The following MACROD2 variants were observed in gnomAD, a reference collection of about 807,000 sequenced individuals.
MACROD2 encodes ADP-ribose glycohydrolase MACROD2.
Under a neutral mutation model 70.4 loss-of-function variants are expected in MACROD2, and 36 were observed. That is an observed-to-expected ratio of 0.51 (90% confidence interval 0.39 to 0.68). The LOEUF is 0.68. MACROD2 is among the 30% of genes least tolerant of loss of function. The probability of loss-of-function intolerance (pLI) is 0.00; values close to 1 mark genes in which losing one functional copy is unlikely to be tolerated. For synonymous variants in MACROD2, 172 were observed against 178.8 expected (o/e 0.96, Z 0.30); for missense variants, 496 against 538.4 (o/e 0.92, Z 0.78).
intron 4 of MACROD2, among the ~76,000 whole-genome samples, chr20:14,535,589 G>A (rs6110318): frequency 6.6e-6 from 1 of 150,726 alleles, no homozygotes; most frequent in Non-Finnish European, 1.5e-5. Context: ...GTGTTGGTTA[G>A]GTAGCTAGGA....
chr20:14,108,783 T>C (rs1304966727), intron 3 of MACROD2, among the ~76,000 whole-genome samples: 1 of 151,908 alleles, frequency 6.6e-6, no homozygotes, highest in African/African-American at 2.4e-5. Context: ...TTATTAGAGC[T>C]AAAGAGAGAG....
intron 5 of MACROD2, among the ~76,000 whole-genome samples, chr20:15,035,181 C>T (rs886408053): frequency 1.8e-4 from 27 of 152,038 alleles, no homozygotes; most frequent in African/African-American, 6.5e-4. Flanking sequence ...ATTGCTTAAG[C>T]CCAGGAGTTC....
At position 14,722,791 on chromosome 20, in the gene MACROD2, G is replaced by A. The variant is rs116837333; in HGVS notation, c.418+37832G>A. ...TTAAACAAAAAACAAAAACAAAAAGGTATTGTCTCTGCTTCTTAGTAGCAC... is the reference window on the plus strand; with the variant it reads ...TTAAACAAAAAACAAAAACAAAAAGATATTGTCTCTGCTTCTTAGTAGCAC... On this transcript the variant is annotated intron_variant, in intron 5 of 17. Coordinates refer to ENST00000684519, the MANE Select transcript of MACROD2 (RefSeq NM_001351661.2). 5.5e-3 allele frequency among the ~76,000 whole-genome samples: 839 copies of A among 152,162 alleles called. 10 individuals are homozygous for A. The highest frequency in any genetic ancestry group is 0.019 in the African/African-American group (774 of 41,520).
At chr20:14,324,958 G>A (rs1464446128) in intron 3 of MACROD2, 1 of 152,466 alleles carries the variant, frequency 6.6e-6, no homozygotes, top group Non-Finnish European at 1.5e-5. Context: ...TTTGCCTAGA[G>A]CAAAAATGGA....
chr20:14,826,784 A>T (rs531040626), intron 5 of MACROD2, among the ~76,000 whole-genome samples: 1 of 152,278 alleles, frequency 6.6e-6, no homozygotes, highest in South Asian at 2.1e-4. Context: ...AAATGCGGAT[A>T]CACAAGTTCC....
At chr20:15,697,790 C>A (rs2050397469) in intron 8 of MACROD2, among the ~76,000 whole-genome samples, 1 of 152,184 alleles carries the variant, frequency 6.6e-6, no homozygotes, top group Admixed American at 6.5e-5. Context: ...TAGACAAGGC[C>A]TTTTGCCATT....
At chr20:15,387,990 G>C (rs73267098) in intron 6 of MACROD2, among the ~76,000 whole-genome samples, 2,588 of 152,088 alleles carry the variant, frequency 0.017, 87 homozygotes, top group African/African-American at 0.058. Context: ...GGCTCAAGCC[G>C]TCTTCCTGTC....
At chr20:14,197,274 C>G (rs1236063795) in intron 3 of MACROD2, among the ~76,000 whole-genome samples, 2 of 152,084 alleles carry the variant, frequency 1.3e-5, no homozygotes, top group Non-Finnish European at 2.9e-5. Context: ...GGAAAAGTAG[C>G]CTGGATAATG....
chr20:15,652,510 G>T (rs967238327), intron 8 of MACROD2, among the ~76,000 whole-genome samples: 2 of 152,186 alleles, frequency 1.3e-5, no homozygotes, highest in Non-Finnish European at 2.9e-5. Context: ...CTAAGAAGTG[G>T]CTGCTGTGTG....
At chr20:15,522,067 A>G (rs1228849835) in intron 8 of MACROD2, among the ~76,000 whole-genome samples, 3 of 152,224 alleles carry the variant, frequency 2.0e-5, no homozygotes, top group African/African-American at 4.8e-5. Flanking sequence ...AAGATAATGT[A>G]TAATTCACAA....
At chr20:15,515,923 T>C (rs2047560523) in intron 8 of MACROD2, among the ~76,000 whole-genome samples, 1 of 152,198 alleles carries the variant, frequency 6.6e-6, no homozygotes, top group Admixed American at 6.5e-5. Flanking sequence ...GACTGTTGTC[T>C]AAAATGGGAA....
At chr20:14,127,046 C>T (rs1296485909) in intron 3 of MACROD2, among the ~76,000 whole-genome samples, 1 of 152,116 alleles carries the variant, frequency 6.6e-6, no homozygotes, top group Non-Finnish European at 1.5e-5. Flanking sequence ...GAAGACATGT[C>T]AAAAGGCAAG....
intron 5 of MACROD2, among the ~76,000 whole-genome samples, chr20:15,216,295 T>C (rs2076809353): frequency 6.6e-6 from 1 of 152,094 alleles, no homozygotes; most frequent in Non-Finnish European, 1.5e-5. Flanking sequence ...TGTATCAAAA[T>C]ATTTTATGTA....
chr20:15,224,756 T>G (rs1418420474), intron 5 of MACROD2, among the ~76,000 whole-genome samples: 1 of 151,950 alleles, frequency 6.6e-6, no homozygotes, highest in Non-Finnish European at 1.5e-5. Flanking sequence ...CATGGTAAGT[T>G]CGAGACCAGC....
intron 3 of MACROD2, among the ~76,000 whole-genome samples, chr20:14,370,962 T>C (rs981454752): frequency 2.0e-5 from 3 of 152,162 alleles, no homozygotes; most frequent in Non-Finnish European, 4.4e-5. Context: ...TATATGTATT[T>C]TGAACTCAGT....
At chr20:14,793,563 T>C (rs1310577377) in intron 5 of MACROD2, among the ~76,000 whole-genome samples, 2 of 151,660 alleles carry the variant, frequency 1.3e-5, no homozygotes, top group African/African-American at 2.4e-5. Context: ...AAGGTTAACA[T>C]AGGGAATCGA....
chr20:15,780,522 T>C (rs1248259420), intron 8 of MACROD2, among the ~76,000 whole-genome samples: 4 of 152,154 alleles, frequency 2.6e-5, no homozygotes, highest in Non-Finnish European at 5.9e-5. Context: ...GGCAATGACA[T>C]GCAGTGGTAG....
At chr20:15,845,312 T>A (rs1381348295) in intron 8 of MACROD2, among the ~76,000 whole-genome samples, 1 of 152,150 alleles carries the variant, frequency 6.6e-6, no homozygotes, top group Non-Finnish European at 1.5e-5. Flanking sequence ...AAAATTCTGA[T>A]TCTCAGCACC....
chr20:14,093,428 A>G (rs986562149), intron 3 of MACROD2, among the ~76,000 whole-genome samples: 1 of 152,106 alleles, frequency 6.6e-6, no homozygotes, highest in Non-Finnish European at 1.5e-5. Flanking sequence ...AACTGTCTGT[A>G]CAAAAAAGAG....
Sources: allele counts gnomAD v4.1 joint callset (sites outside exome capture counted in the v4.1 genomes callset), GRCh38; gene constraint gnomAD v4.1.1; transcripts MANE v1.5; gene names NCBI Gene and HGNC (gene_info 2026-07-23, HGNC 2026-07-21).